DYNC2H1: variants seen among roughly 807,000 people sequenced by gnomAD.
The protein encoded by DYNC2H1 is dynein cytoplasmic 2 heavy chain 1, also known as cytoplasmic dynein 2 heavy chain 1.
In DYNC2H1, 410 loss-of-function variants were observed where a neutral mutation model predicts 570.0. That is an observed-to-expected ratio of 0.72 (90% CI 0.66 to 0.78). DYNC2H1 has a LOEUF of 0.78. Ranked by LOEUF, DYNC2H1 falls within the 30% of genes least tolerant of loss-of-function variation. The pLI is 0.00. For synonymous variants in DYNC2H1, 1,688 were observed against 1,677.6 expected (o/e 1.01, Z -0.15); for missense variants, 4,865 against 5,046.4 (o/e 0.96, Z 1.09).
intron 47 of DYNC2H1, among the ~76,000 whole-genome samples, chr11:103,192,911 T>G (rs1862373495): frequency 6.6e-6 from 1 of 152,254 alleles, no homozygotes; most frequent in Non-Finnish European, 1.5e-5. Flanking sequence ...CAAAAGGTGC[T>G]TATTTTTTCA....
At chr11:103,236,259 TG>T (rs1012872520) in intron 62 of DYNC2H1, among the ~76,000 whole-genome samples, 170 bp from the exon 63 acceptor site, 10 of 152,022 alleles carry the variant, frequency 6.6e-5, no homozygotes, top group African/African-American at 1.9e-4. Flanking sequence ...TTGCACTTTT[TG>T]TTTTTGTTTT....
chr11:103,136,062 G>A, intron 17 of DYNC2H1, 114 bp downstream of exon 17: 4 of 847,944 alleles, frequency 4.7e-6, no homozygotes, highest in Non-Finnish European at 6.6e-6. Context: ...ATTAAAATAT[G>A]GCAAAGCAGA....
In DYNC2H1 at chr11:103,219,945, A is replaced by G. The variant is rs1292778050; in HGVS notation, c.8863A>G (p.Arg2955Gly). The change falls in exon 56 of 89, where the codon AGA (arginine) becomes GGA (glycine). Residue 2955 changes from arginine to glycine, a missense_variant. Physicochemically the swap from Arg to Gly is moderately radical, Grantham distance 125 (BLOSUM62 -2). This residue lies in a region of DYNC2H1 where 2,401 missense variants were observed against 2,454.6 expected (regional missense o/e 0.98). Transcript: ENST00000375735. ...TAGTGAGCAAAAAACAGAACTTGAA[A>G]GACTGAAGCACAGAATAGCAGAAGA... ...DASEQKTELE[R>G]LKHRIAEEVV... is the part of the protein sequence containing the mutation. 2.0e-6 allele frequency: 3 copies of G among 1,522,192 alleles called. No homozygotes were observed. Among genetic ancestry groups the G allele is most frequent in the Non-Finnish European group, 2.6e-6 (3 of 1,143,004 alleles). The allele number at this position is 1,522,192 out of a possible 1,614,324, so 94.3% of individuals were successfully genotyped here.
rs1029399203 is a variant in DYNC2H1, at chr11:103,363,755, T to A, written c.12156+5396T>A. Among the ~76,000 whole-genome samples the A allele has an allele frequency of 6.6e-6, 1 of 152,212 alleles. No individual in the cohort carries two copies. The highest frequency in any genetic ancestry group is 2.4e-5 in the African/African-American group (1 of 41,462). ...TGATTGTGACTAATAATTTAAGGCA[T>A]CCAAAAGTGTTATTGTAGCTGATTT... is the stretch of plus-strand genomic sequence containing the variant. On this transcript the variant is annotated intron_variant, in intron 83 of 88. Transcript: ENST00000375735. This position sits in a 1 kb window ranked among gnomAD's most constrained non-coding sequence, Gnocchi z 5.6.
rs61565760 is a variant in DYNC2H1 at position 103,446,037 on chromosome 11, T to TTTGTTGTTG, written c.12457-9125_12457-9117dup. ...TGACAATATGGTAATAGAGCAGAGT[T>TTTGTTGTTG]TTGTTGTTGTTGTTGTTGTTGTTGT... On this transcript the variant is annotated intron_variant, in intron 85 of 88. Coordinates refer to ENST00000375735, the MANE Select transcript of DYNC2H1 (RefSeq NM_001377.3). The surrounding 1 kb of genome is among the most constrained non-coding windows in gnomAD (Gnocchi z 4.5). Among the ~76,000 whole-genome samples the TTTGTTGTTG allele has an allele frequency of 0.12, 17,652 of 150,514 alleles. 1,244 individuals carry two copies. The highest frequency in any genetic ancestry group is 0.22 in the Admixed American group (3,387 of 15,068).
chr11:103,131,718 G>C (rs969722082), intron 13 of DYNC2H1, among the ~76,000 whole-genome samples: 1 of 151,884 alleles, frequency 6.6e-6, no homozygotes, highest in African/African-American at 2.4e-5. Flanking sequence ...ATGCATATTT[G>C]ACATTTTTTT....
chr11:103,122,930 G>C lies in DYNC2H1; in HGVS notation c.1591G>C (p.Glu531Gln), dbSNP rs1858793966. 6.2e-7 allele frequency: 1 copy of C among 1,610,418 alleles called. No homozygotes were observed. The highest frequency in any genetic ancestry group is 1.7e-5 in the Admixed American group (1 of 59,684). Residue 531 changes from glutamate to glutamine, a missense_variant, in exon 11 of 89, where the codon GAA becomes CAA. Physicochemically the swap from Glu to Gln is conservative, Grantham distance 29. Coordinates refer to ENST00000375735, the MANE Select transcript of DYNC2H1 (RefSeq NM_001377.3). ...TCTCTTAGACCAGCTTAAACTATAT[G>C]AACAGGAACAATTTGATGATTGGTC... ...KDLLDQLKLY[E>Q]QEQFDDWSRD... is the part of the protein sequence containing the mutation.
At chr11:103,168,490 G>A (rs1218431142) in intron 31 of DYNC2H1, among the ~76,000 whole-genome samples, 1 of 152,172 alleles carries the variant, frequency 6.6e-6, no homozygotes, top group East Asian at 1.9e-4. Flanking sequence ...GCAGAGTGGA[G>A]TCTGCTTACT....
intron 13 of DYNC2H1, among the ~76,000 whole-genome samples, chr11:103,131,764 A>G (rs1308224849): frequency 6.6e-6 from 1 of 152,036 alleles, no homozygotes; most frequent in Non-Finnish European, 1.5e-5. Context: ...TCCTGCTGGC[A>G]TCCATGATTT....
intron 83 of DYNC2H1, among the ~76,000 whole-genome samples, chr11:103,384,327 T>C (rs748000455): frequency 6.6e-6 from 1 of 152,134 alleles, no homozygotes; most frequent in Non-Finnish European, 1.5e-5. Flanking sequence ...ATGTCAGTTT[T>C]CTTTTGGTTA....
At chr11:103,237,196 A>G (rs659262) in intron 63 of DYNC2H1, among the ~76,000 whole-genome samples, 90,765 of 151,714 alleles carry the variant, frequency 0.6, 27,432 homozygotes, top group Admixed American at 0.69. Context: ...TGATTTTTCT[A>G]TTCTTTCTGT....
At chr11:103,113,124 T>G (rs1450412361) in intron 1 of DYNC2H1, among the ~76,000 whole-genome samples, 1 of 152,140 alleles carries the variant, frequency 6.6e-6, no homozygotes, top group Non-Finnish European at 1.5e-5. Flanking sequence ...TTAATTACAT[T>G]TTGTTATAGA....
At chr11:103,478,759 G>T (rs1464583348) in intron 88 of DYNC2H1, among the ~76,000 whole-genome samples, 1 of 152,158 alleles carries the variant, frequency 6.6e-6, no homozygotes, top group Non-Finnish European at 1.5e-5. Context: ...TAATGGATGT[G>T]TGATGATATT....
intron 36 of DYNC2H1, 42 bp downstream of exon 36, chr11:103,174,212 A>G: frequency 6.9e-7 from 1 of 1,458,352 alleles, no homozygotes; most frequent in Non-Finnish European, 9.4e-7. Context: ...ATTTTTAAAA[A>G]CATAAGCGTT....
chr11:103,378,183 C>T (rs1015148190), intron 83 of DYNC2H1, among the ~76,000 whole-genome samples: 10 of 152,188 alleles, frequency 6.6e-5, no homozygotes, highest in Non-Finnish European at 1.3e-4. Flanking sequence ...AATTGTACAT[C>T]TCTATCCCCA....
chr11:103,141,035 G>A (rs904291492), intron 17 of DYNC2H1, among the ~76,000 whole-genome samples: 6 of 152,022 alleles, frequency 3.9e-5, no homozygotes, highest in African/African-American at 7.3e-5. Context: ...CGTAGTTCTC[G>A]AGTCTTGGCT....
intron 83 of DYNC2H1, among the ~76,000 whole-genome samples, chr11:103,364,235 T>C (rs1744848580): frequency 6.6e-6 from 1 of 151,990 alleles, no homozygotes; most frequent in Non-Finnish European, 1.5e-5. Context: ...AGAATCTTAA[T>C]AAATTATGAG....
intron 83 of DYNC2H1, among the ~76,000 whole-genome samples, chr11:103,380,092 C>T (rs1423161876): frequency 1.3e-5 from 2 of 152,230 alleles, no homozygotes; most frequent in Non-Finnish European, 2.9e-5. Flanking sequence ...AATAATTACA[C>T]TTTAAAAAAA....
Position 103,219,949 on chromosome 11 carries a change from T to G in DYNC2H1, c.8867T>G (p.Leu2956Arg), listed in dbSNP as rs774599060. Residue 2956 changes from leucine to arginine, a missense_variant, in exon 56 of 89, where the codon CTG becomes CGG. Leu to Arg is a moderately radical substitution (Grantham distance 102). This residue lies in a region of DYNC2H1 where 2,401 missense variants were observed against 2,454.6 expected (regional missense o/e 0.98). Coordinates refer to ENST00000375735, the MANE Select transcript of DYNC2H1 (RefSeq NM_001377.3). The part of the protein sequence containing the change: ...ASEQKTELER[L>R]KHRIAEEVVK... ...GAGCAAAAAACAGAACTTGAAAGAC[T>G]GAAGCACAGAATAGCAGAAGAAGTT... The G allele has an allele frequency of 6.6e-7, 1 of 1,521,406 alleles. No homozygotes were observed. Among genetic ancestry groups the G allele is most frequent in the South Asian group, 1.3e-5 (1 of 76,408 alleles). The allele number at this position is 1,521,406 out of a possible 1,614,324, so 94.2% of individuals were successfully genotyped here. A position where few individuals can be genotyped will look rare whatever the true frequency, so the allele number is the denominator to read the frequency against.
Sources: allele counts gnomAD v4.1 joint callset (sites outside exome capture counted in the v4.1 genomes callset), GRCh38; gene constraint gnomAD v4.1.1; regional missense constraint gnomAD v4.1.1; non-coding constraint Gnocchi (gnomAD v3.1); transcripts MANE v1.5; gene names NCBI Gene and HGNC (gene_info 2026-07-23, HGNC 2026-07-21).